Variants in BCAS3 observed in about 807,000 individuals in gnomAD.
BCAS3 encodes the protein BCAS4/BCAS3 fusion.
In BCAS3, 53 loss-of-function variants were observed where a neutral mutation model predicts 116.1. The ratio of observed to expected loss-of-function variants is 0.46; its 90% CI spans 0.37 to 0.57. The LOEUF is 0.57. Ranked by LOEUF, BCAS3 falls within the 20% of genes least tolerant of loss-of-function variation. The pLI is 0.00. For synonymous variants in BCAS3, 391 were observed against 408.2 expected (o/e 0.96, Z 0.51); for missense variants, 917 against 1,165.4 (o/e 0.79, Z 3.10).
intron 6 of BCAS3, among the ~76,000 whole-genome samples, chr17:60,747,570 T>A (rs80248100): frequency 0.031 from 4,717 of 152,284 alleles, 231 homozygotes; most frequent in African/African-American, 0.1. Flanking sequence ...GCCCTTTTTC[T>A]CTCTTGGTTT....
Position 61,324,721 on chromosome 17 carries a change from A to G in BCAS3, c.2426-43606A>G, listed in dbSNP as rs746692517. Among the ~76,000 whole-genome samples the G allele has an allele frequency of 1.5e-4, 23 of 152,068 alleles. No homozygotes were observed. The highest frequency in any genetic ancestry group is 2.6e-4 in the Non-Finnish European group (18 of 67,996). On this transcript the variant is annotated intron_variant, in intron 22 of 23. Transcript: ENST00000407086. This position sits in a 1 kb window ranked among gnomAD's most constrained non-coding sequence, Gnocchi z 4.6. ...CTTGTTTATAAAATGGTATCCAGCC[A>G]GGCACGGTAGCTCACTTCTATAATC...
intron 6 of BCAS3, among the ~76,000 whole-genome samples, chr17:60,757,394 ATGTGTGTGTGTGTGTG>A (rs61645091): frequency 8.0e-5 from 11 of 136,676 alleles, no homozygotes; most frequent in South Asian, 4.9e-4. Flanking sequence ...CAGCATGTAT[ATGTGTGTGTGTGTGTG>A]TGTGTGTGTG....
Position 61,388,829 on chromosome 17 carries a change from G to C in BCAS3, c.2594-3148G>C, listed in dbSNP as rs1281493575. On this transcript the variant is annotated intron_variant, in intron 23 of 23. Transcript: ENST00000407086. This position sits in a 1 kb window ranked among gnomAD's most constrained non-coding sequence, Gnocchi z 6.5. ...TTCCCACACACACCCCTGCCTGCAG[G>C]GGGAGGAGCAGAAGGGGTCTGAGAG... 10 of 1,000,630 alleles carry C rather than the reference G, an allele frequency of 1.0e-5. 1 individual carries two copies. In the Admixed American group the frequency reaches 1.3e-4, roughly 13 times the overall value. The allele number at this position is 1,000,630 out of a possible 1,614,324, so 62.0% of individuals were successfully genotyped here.
rs376619760 is a variant in BCAS3 at position 61,183,315 on chromosome 17, T to C, written c.2425+98751T>C. On this transcript the variant is annotated intron_variant, in intron 22 of 23. Coordinates refer to ENST00000407086, the MANE Select transcript of BCAS3 (RefSeq NM_017679.5). Reference sequence around the variant, plus strand: ...AAGAACAAAAGCATGATCTTAAGTATGGTTTTTAGACAAACATGTTTTGAA... The same window carrying C: ...AAGAACAAAAGCATGATCTTAAGTACGGTTTTTAGACAAACATGTTTTGAA... 2.0e-4 allele frequency among the ~76,000 whole-genome samples: 30 copies of C among 152,280 alleles called. No homozygotes were observed. The East Asian group carries it at 2.9e-3, about 15-fold the overall frequency.
At chr17:61,066,996 G>A (rs2070696790) in intron 19 of BCAS3, among the ~76,000 whole-genome samples, 1 of 151,568 alleles carries the variant, frequency 6.6e-6, no homozygotes, top group Non-Finnish European at 1.5e-5. Flanking sequence ...TAGTTTAGCA[G>A]TATGTAAAGC....
At position 61,214,590 on chromosome 17, in the gene BCAS3, C is replaced by T. The variant is rs1281118317; in HGVS notation, c.2425+130026C>T. The stretch of plus-strand genomic sequence containing the variant: ...CCTGTAGTCCCAGCTACTCCGGAGG[C>T]TGAGGCAGAAGAACAGCATGAACCT... On this transcript the variant is annotated intron_variant, in intron 22 of 23. Coordinates refer to ENST00000407086, the MANE Select transcript of BCAS3 (RefSeq NM_017679.5). This position sits in a 1 kb window ranked among gnomAD's most constrained non-coding sequence, Gnocchi z 4.4. 1.3e-5 allele frequency among the ~76,000 whole-genome samples: 2 copies of T among 151,578 alleles called. No individual in the cohort carries two copies. The highest frequency in any genetic ancestry group is 2.9e-5 in the Non-Finnish European group (2 of 67,962).
At chr17:61,184,891 A>G (rs2079678835) in intron 22 of BCAS3, among the ~76,000 whole-genome samples, 2 of 152,166 alleles carry the variant, frequency 1.3e-5, no homozygotes, top group African/African-American at 2.4e-5. Context: ...AAGCAGAACT[A>G]TAGAGGTAGA....
rs1397233439 is a variant in BCAS3, at chr17:61,348,043, TGAAGG to T, written c.2426-20279_2426-20275del. The stretch of plus-strand genomic sequence containing the variant: ...CCAGGTGGCACTAGGAAGAATGAAT[TGAAGG>T]GAAGCCACATTAATAGGCGGAAAGA... On this transcript the variant is annotated intron_variant, in intron 22 of 23. Coordinates refer to ENST00000407086, the MANE Select transcript of BCAS3 (RefSeq NM_017679.5). This position sits in a 1 kb window ranked among gnomAD's most constrained non-coding sequence, Gnocchi z 4.5. Among the ~76,000 whole-genome samples the T allele has an allele frequency of 2.0e-5, 3 of 152,146 alleles. No homozygotes were observed. Among genetic ancestry groups the T allele is most frequent in the African/African-American group, 7.2e-5 (3 of 41,434 alleles).
rs2054169122 is a variant in BCAS3, at chr17:61,309,983, G to A, written c.2426-58344G>A. Among the ~76,000 whole-genome samples, 1 of 152,144 alleles carries A rather than the reference G, an allele frequency of 6.6e-6. No homozygotes were observed. The highest frequency in any genetic ancestry group is 1.9e-4 in the East Asian group (1 of 5,170). Reference sequence around the variant, plus strand: ...ACTACAGCATTTAGGCTACCAGGTTGTGTTTCCTTAATAGGAAGCCATATC... The same window carrying A: ...ACTACAGCATTTAGGCTACCAGGTTATGTTTCCTTAATAGGAAGCCATATC... On this transcript the variant is annotated intron_variant, in intron 22 of 23. Transcript: ENST00000407086. The surrounding 1 kb of genome is among the most constrained non-coding windows in gnomAD (Gnocchi z 4.6).
chr17:60,684,136 G>T, intron 3 of BCAS3, 100 bp downstream of exon 3: 1 of 1,082,832 alleles, frequency 9.2e-7, no homozygotes, highest in Non-Finnish European at 1.4e-6. Flanking sequence ...CTTCCAAAAG[G>T]TTTTTGATGT....
intron 15 of BCAS3, among the ~76,000 whole-genome samples, chr17:60,991,009 A>T (rs1396726604): frequency 6.6e-6 from 1 of 152,150 alleles, no homozygotes; most frequent in East Asian, 1.9e-4. Context: ...TTTATCTTAG[A>T]GCAAGTAGCT....
chr17:61,277,234 G>T (rs913515690), intron 22 of BCAS3, among the ~76,000 whole-genome samples: 6 of 131,422 alleles, frequency 4.6e-5, no homozygotes, highest in African/African-American at 1.7e-4. Flanking sequence ...GTGTACTCCA[G>T]CCTGAGTGAC....
At position 61,196,155 on chromosome 17, in the gene BCAS3, A is replaced by G. The variant is rs936156633; in HGVS notation, c.2425+111591A>G. 6.6e-6 allele frequency among the ~76,000 whole-genome samples: 1 copy of G among 151,984 alleles called. No individual in the cohort carries two copies. Among genetic ancestry groups the G allele is most frequent in the Non-Finnish European group, 1.5e-5 (1 of 67,996 alleles). On this transcript the variant is annotated intron_variant, in intron 22 of 23. Transcript: ENST00000407086. The surrounding 1 kb of genome is among the most constrained non-coding windows in gnomAD (Gnocchi z 4.7). ...GTTGCTGCTCTAAATTCTTGCTCTG[A>G]CCCTATCTGAAATCAGTGTAGTCTG...
chr17:60,918,689 C>G (rs969674370), intron 12 of BCAS3, among the ~76,000 whole-genome samples: 1 of 145,338 alleles, frequency 6.9e-6, no homozygotes, highest in Non-Finnish European at 1.5e-5. Flanking sequence ...TGAAGCTTCT[C>G]AATTTTTTTT....
intron 10 of BCAS3, among the ~76,000 whole-genome samples, chr17:60,897,470 G>A (rs2057588268): frequency 6.6e-6 from 1 of 152,070 alleles, no homozygotes; most frequent in Non-Finnish European, 1.5e-5. Context: ...GACTTGGGAA[G>A]TTTTCATCTA....
At chr17:60,810,590 C>A in intron 7 of BCAS3, 1 of 742,338 alleles carries the variant, frequency 1.3e-6, no homozygotes, top group Non-Finnish European at 2.5e-6. Flanking sequence ...CAGATCTTCC[C>A]AAATACTGTG....
chr17:60,918,066 A>G (rs989704472), intron 12 of BCAS3, among the ~76,000 whole-genome samples: 2 of 152,180 alleles, frequency 1.3e-5, no homozygotes, highest in African/African-American at 4.8e-5. Context: ...CAGTGGCTGG[A>G]CCATTTTAAA....
intron 22 of BCAS3, among the ~76,000 whole-genome samples, chr17:61,345,860 T>C (rs1198323035): frequency 2.0e-5 from 3 of 151,968 alleles, no homozygotes; most frequent in South Asian, 2.1e-4. Context: ...ATGATTAGAA[T>C]AAGGAAGTGA....
rs891854920 is a variant in BCAS3, at chr17:61,188,311, T to C, written c.2425+103747T>C. ...TCTCTTTTCTCTTCAGCCAAAAGTA[T>C]TACCTATTATGATGTAGTTTCATCA... On this transcript the variant is annotated intron_variant, in intron 22 of 23. Coordinates refer to ENST00000407086, the MANE Select transcript of BCAS3 (RefSeq NM_017679.5). The surrounding 1 kb of genome is among the most constrained non-coding windows in gnomAD (Gnocchi z 4.0). Among the ~76,000 whole-genome samples, 4 of 152,334 alleles carry C rather than the reference T, an allele frequency of 2.6e-5. No individual in the cohort carries two copies. The highest frequency in any genetic ancestry group is 4.4e-5 in the Non-Finnish European group (3 of 68,026).
Sources: gnomAD v4.1 joint callset for allele counts (sites outside exome capture counted in the v4.1 genomes callset) on GRCh38, gnomAD v4.1.1 for gene constraint, Gnocchi (gnomAD v3.1) non-coding constraint, MANE v1.5 for transcripts, NCBI Gene and HGNC (gene_info 2026-07-23, HGNC 2026-07-21) for gene names.